Variants in CEP192 observed in about 807,000 individuals in gnomAD.
The protein encoded by CEP192 is centrosomal protein of 192 kDa.
CEP192 carries 151 observed loss-of-function variants against 271.8 expected under a neutral mutation model. The ratio of observed to expected loss-of-function variants is 0.56; its 90% CI spans 0.49 to 0.64. CEP192 has a LOEUF of 0.64. Among genes scored for constraint, CEP192 ranks in the 30% least tolerant of loss-of-function variants. The pLI, the probability that CEP192 is intolerant of heterozygous loss-of-function variation, is 0.00. For synonymous variants in CEP192, 995 were observed against 1,076.5 expected, an observed-to-expected ratio of 0.92 and a Z score of 1.48; for missense variants, 2,910 against 3,020.5, an observed-to-expected ratio of 0.96 and a Z score of 0.86.
At chr18:13,036,922 T>C (rs1347824553) in intron 11 of CEP192, among the ~76,000 whole-genome samples, 1 of 152,262 alleles carries the variant, frequency 6.6e-6, no homozygotes. Flanking sequence ...CATTCATGGA[T>C]GAGTGCCTCA....
rs1193857966 is a variant in CEP192, at chr18:13,009,008, C to CT, written c.466+382dup. On this transcript the variant is annotated intron_variant, in intron 4 of 44. Coordinates refer to ENST00000506447, the MANE Select transcript of CEP192 (RefSeq NM_032142.4). ...ATGGGCCTAAGCCACTGTGCCTGGCCTTTTTGTTTTTTTTTTTTTTTTTGC... is the reference window on the plus strand; with the variant it reads ...ATGGGCCTAAGCCACTGTGCCTGGCCTTTTTTGTTTTTTTTTTTTTTTTTGC... Among the ~76,000 whole-genome samples, 815 of 113,126 alleles carry CT rather than the reference C, an allele frequency of 7.2e-3. 24 individuals are homozygous for CT. The highest frequency in any genetic ancestry group is 0.014 in the East Asian group (53 of 3,908). The allele number at this position is 113,126 out of a possible 152,430, so 74.2% of individuals were successfully genotyped here. A position where few individuals can be genotyped will look rare whatever the true frequency, so the allele number is the denominator to read the frequency against.
chr18:13,069,630 A>C (rs2037901599), intron 26 of CEP192, 108 bp from the exon 27 acceptor site: 1 of 699,404 alleles, frequency 1.4e-6, no homozygotes, highest in East Asian at 2.5e-5. Context: ...AGAAGGGGAC[A>C]AACAACCTGT....
intron 33 of CEP192, among the ~76,000 whole-genome samples, chr18:13,090,559 G>A (rs1184400286): frequency 6.6e-6 from 1 of 152,130 alleles, no homozygotes; most frequent in African/African-American, 2.4e-5. Flanking sequence ...TTATGCCTTG[G>A]TGTAGGGGTG....
At chr18:13,109,093 C>T (rs2040087480) in intron 40 of CEP192, among the ~76,000 whole-genome samples, 1 of 152,160 alleles carries the variant, frequency 6.6e-6, no homozygotes, top group Admixed American at 6.5e-5. Context: ...GATACATGCA[C>T]TTGCACATTC....
chr18:13,114,850 T>C (rs1033567104), intron 42 of CEP192, among the ~76,000 whole-genome samples: 2 of 152,232 alleles, frequency 1.3e-5, no homozygotes, highest in Non-Finnish European at 2.9e-5. Flanking sequence ...TACCATTTTA[T>C]GTTCCCATAA....
At chr18:13,099,438 C>A (rs1329999570) in intron 36 of CEP192, 38 bp from the exon 37 acceptor site, 2 of 1,025,898 alleles carry the variant, frequency 1.9e-6, no homozygotes, top group Non-Finnish European at 3.0e-6. Context: ...TGTTAAAATG[C>A]AGGCTCTTTT....
chr18:12,997,509 G>C (rs958894574), intron 1 of CEP192, among the ~76,000 whole-genome samples: 5 of 152,256 alleles, frequency 3.3e-5, no homozygotes, highest in African/African-American at 1.2e-4. Flanking sequence ...TCTGTCTAGT[G>C]ACCTTGCAGC....
At chr18:13,050,599 C>T (rs1416713589) in intron 17 of CEP192, among the ~76,000 whole-genome samples, 3 of 150,016 alleles carry the variant, frequency 2.0e-5, no homozygotes, top group East Asian at 2.0e-4. Flanking sequence ...TTTTTTTTTC[C>T]GACAGAGTCT....
At chr18:13,084,395 T>G (rs181792149) in intron 30 of CEP192, among the ~76,000 whole-genome samples, 23 of 152,274 alleles carry the variant, frequency 1.5e-4, no homozygotes, top group African/African-American at 5.3e-4. Context: ...GTGTTAGCAG[T>G]GAGCAAGGCT....
intron 41 of CEP192, among the ~76,000 whole-genome samples, 179 bp downstream of exon 41, chr18:13,113,884 C>T (rs2145076802): frequency 6.6e-6 from 1 of 152,180 alleles, no homozygotes; most frequent in East Asian, 1.9e-4. Flanking sequence ...TCATACAGCC[C>T]ATGAAACCCA....
At chr18:13,094,208 A>G (rs974129520) in intron 34 of CEP192, among the ~76,000 whole-genome samples, 8 of 152,226 alleles carry the variant, frequency 5.3e-5, no homozygotes, top group African/African-American at 1.9e-4. Flanking sequence ...TCTCCACTGT[A>G]AAACTAATGA....
At position 13,037,238 on chromosome 18, in the gene CEP192, T is replaced by G. The variant is rs1372623591; in HGVS notation, c.1536T>G (p.Ser512=). ...TTTATATAAACATTCTTTTTTAAGC[T>G]GAAGCATTTGATTTGATTGCACAAG... ...DEMNEDFRSG[S]EAFDLIAQDE... Residue 512 remains serine (S), a splice_region_variant and synonymous_variant, in exon 12 of 45, where the codon TCT becomes TCG. Coordinates refer to ENST00000506447, the MANE Select transcript of CEP192 (RefSeq NM_032142.4). 3.2e-6 allele frequency: 4 copies of G among 1,256,420 alleles called. No homozygotes were observed. In the East Asian group the frequency reaches 7.6e-5, roughly 24 times the overall value. 77.8% of individuals were successfully genotyped at this position (1,256,420 alleles called of 1,614,324 possible).
At chr18:13,079,472 T>G (rs568345122) in intron 30 of CEP192, among the ~76,000 whole-genome samples, 31 of 152,336 alleles carry the variant, frequency 2.0e-4, no homozygotes, top group Admixed American at 1.5e-3. Context: ...TTGCCCACTT[T>G]TTGATGGGGT....
chr18:13,004,516 G>A (rs537493597), intron 3 of CEP192, among the ~76,000 whole-genome samples: 3 of 152,236 alleles, frequency 2.0e-5, no homozygotes, highest in East Asian at 3.9e-4. Flanking sequence ...GTGGGAGGAC[G>A]GCCTGGGTGG....
intron 9 of CEP192, among the ~76,000 whole-genome samples, chr18:13,023,528 G>A (rs1466542544): frequency 2.1e-5 from 3 of 142,458 alleles, no homozygotes; most frequent in Non-Finnish European, 3.1e-5. Context: ...TGTTTTTTTT[G>A]TAGTCTGTAA....
intron 1 of CEP192, among the ~76,000 whole-genome samples, chr18:12,996,816 G>A (rs748322227): frequency 1.1e-4 from 16 of 152,142 alleles, no homozygotes; most frequent in Non-Finnish European, 1.9e-4. Context: ...AGTATGCTAC[G>A]GCTTGGCAAC....
In CEP192 at chr18:13,084,781, C is replaced by T. The variant is rs532417730; in HGVS notation, c.5617-2236C>T. 2.2e-4 allele frequency among the ~76,000 whole-genome samples: 34 copies of T among 152,098 alleles called. No homozygotes were observed. The South Asian group carries it at 7.1e-3, about 32-fold the overall frequency. On this transcript the variant is annotated intron_variant, in intron 30 of 44. Transcript: ENST00000506447. ...AACGGAGTCTCTAATGATCGCCATT[C>T]TCACGCATGAGATGGTATCTCATTG...
chr18:13,098,080 A>G (rs919401689), intron 36 of CEP192, among the ~76,000 whole-genome samples: 3 of 152,138 alleles, frequency 2.0e-5, no homozygotes, highest in Admixed American at 6.5e-5. Flanking sequence ...CGATTTCTCA[A>G]TCTTTTCCCC....
intron 9 of CEP192, among the ~76,000 whole-genome samples, chr18:13,023,409 G>A (rs2035105055): frequency 1.3e-5 from 2 of 150,850 alleles, no homozygotes; most frequent in South Asian, 4.2e-4. Flanking sequence ...TTTTTATCAA[G>A]TTGAGAATGT....
Sources: allele counts gnomAD v4.1 joint callset (sites outside exome capture counted in the v4.1 genomes callset), GRCh38; gene constraint gnomAD v4.1.1; transcripts MANE v1.5; gene names NCBI Gene and HGNC (gene_info 2026-07-23, HGNC 2026-07-21).